POC5: variants seen among roughly 807,000 people sequenced by gnomAD.
The protein encoded by POC5 is POC5 centriolar protein.
Under a neutral mutation model 62.9 loss-of-function variants are expected in POC5, and 48 were observed. The observed-to-expected ratio is 0.76, with a 90% CI of 0.61 to 0.97. POC5 has a LOEUF of 0.97. Among genes scored for constraint, POC5 ranks in the 50% least tolerant of loss-of-function variants. POC5 has a pLI of 0.00. For missense variants in POC5, 696 were observed against 679.5 expected (o/e 1.02, Z -0.27); for synonymous variants, 236 against 228.2 (o/e 1.03, Z -0.31).
intron 9 of POC5, among the ~76,000 whole-genome samples, chr5:75,687,275 T>C (rs1776134162): frequency 1.3e-5 from 2 of 152,190 alleles, no homozygotes; most frequent in Non-Finnish European, 1.5e-5. Flanking sequence ...CGTGATCCAC[T>C]CACCTCGGCC....
chr5:75,707,518 AAAGT>A (rs1365969197), intron 3 of POC5: 11 of 413,082 alleles, frequency 2.7e-5, no homozygotes, highest in Non-Finnish European at 4.3e-5. Flanking sequence ...ATTCTTCATA[AAAGT>A]AAGAGTCAAA....
At chr5:75,681,476 T>A (rs932555574) in intron 10 of POC5, among the ~76,000 whole-genome samples, 1 of 152,134 alleles carries the variant, frequency 6.6e-6, no homozygotes, top group Non-Finnish European at 1.5e-5. Flanking sequence ...AACTGCAATA[T>A]GCTTGCTTGT....
At chr5:75,706,873 G>C (rs930804337) in intron 3 of POC5, among the ~76,000 whole-genome samples, 1 of 152,094 alleles carries the variant, frequency 6.6e-6, no homozygotes, top group African/African-American at 2.4e-5. Flanking sequence ...CTCATCCTGT[G>C]GTCCTGTTTG....
At chr5:75,712,461 T>G in intron 2 of POC5, 1 of 1,603,700 alleles carries the variant, frequency 6.2e-7, no homozygotes, top group South Asian at 1.1e-5. Flanking sequence ...CCTCAGCAAG[T>G]AGAACACAAG....
Position 75,692,482 on chromosome 5 carries a change from G to C in POC5, c.709C>G (p.His237Asp). 6.2e-7 allele frequency: 1 copy of C among 1,600,212 alleles called. No individual in the cohort carries two copies. The highest frequency in any genetic ancestry group is 1.1e-5 in the South Asian group (1 of 89,202). ...RKDEVISSLS[H>D]AIGKQKEKIE... ...TTTTCCTTTTGCTTGCCTATGGCATGAGACAAGCTAGAAATCACCTGTAAA... is the reference window on the plus strand; with the variant it reads ...TTTTCCTTTTGCTTGCCTATGGCATCAGACAAGCTAGAAATCACCTGTAAA... The change falls in exon 7 of 12, where the codon CAT becomes GAT. Residue 237 changes from histidine to aspartate, a missense_variant. His to Asp is a moderately conservative substitution (Grantham distance 81, BLOSUM62 -1). Coordinates refer to ENST00000428202, the MANE Select transcript of POC5 (RefSeq NM_001099271.2).
Position 75,695,228 on chromosome 5 carries a change from G to A in POC5, c.514-397C>T, listed in dbSNP as rs771133974. 4.6e-5 allele frequency among the ~76,000 whole-genome samples: 7 copies of A among 152,302 alleles called. No homozygotes were observed. The South Asian group carries it at 6.2e-4, about 14-fold the overall frequency. On this transcript the variant is annotated intron_variant, in intron 5 of 11. Transcript: ENST00000428202. ...TGACTGGGAAGTTATTTAGAAATGGGTGATAGTGGAAAGAAACCATGAGAG... is the reference window on the plus strand; with the variant it reads ...TGACTGGGAAGTTATTTAGAAATGGATGATAGTGGAAAGAAACCATGAGAG...
intron 4 of POC5, among the ~76,000 whole-genome samples, chr5:75,703,160 A>G (rs1776961906): frequency 6.6e-6 from 1 of 152,226 alleles, no homozygotes; most frequent in Non-Finnish European, 1.5e-5. Flanking sequence ...TAATAAAAAC[A>G]TTATAAAGAT....
At chr5:75,694,274 C>T (rs180826106) in intron 6 of POC5, among the ~76,000 whole-genome samples, 8 of 152,108 alleles carry the variant, frequency 5.3e-5, no homozygotes, top group Admixed American at 2.0e-4. Flanking sequence ...CCTTCACGTT[C>T]GCTTAAGGTT....
intron 6 of POC5, among the ~76,000 whole-genome samples, chr5:75,693,770 A>G (rs1237090533): frequency 6.6e-6 from 1 of 152,156 alleles, no homozygotes; most frequent in Non-Finnish European, 1.5e-5. Flanking sequence ...TCTTCTGAAC[A>G]ACACCACTCT....
chr5:75,687,121 C>T (rs1776126643), intron 9 of POC5, among the ~76,000 whole-genome samples: 1 of 152,114 alleles, frequency 6.6e-6, no homozygotes, highest in Non-Finnish European at 1.5e-5. Context: ...ACCTCTGCCT[C>T]CTGGGTTCAC....
At chr5:75,683,650 C>T (rs1418195089) in intron 10 of POC5, among the ~76,000 whole-genome samples, 5 of 151,076 alleles carry the variant, frequency 3.3e-5, no homozygotes, top group Non-Finnish European at 7.4e-5. Flanking sequence ...ACAAGTTTAA[C>T]AACAGGAGGC....
chr5:75,682,759 C>T (rs191877628), intron 10 of POC5, among the ~76,000 whole-genome samples: 49 of 152,196 alleles, frequency 3.2e-4, no homozygotes, highest in Admixed American at 7.2e-4. Flanking sequence ...TTGTGATCCA[C>T]CTGCCTCGGC....
rs1417876715 is a variant in POC5 at position 75,700,963 on chromosome 5, G to A, written c.513+1642C>T. Among the ~76,000 whole-genome samples the A allele has an allele frequency of 1.3e-4, 18 of 133,842 alleles. 3 individuals are homozygous for A. Among genetic ancestry groups the A allele is most frequent in the Non-Finnish European group, 2.5e-4 (15 of 59,750 alleles). The allele number at this position is 133,842 out of a possible 152,430, so 87.8% of individuals were successfully genotyped here. ...ACATTTATGCAGCCAAAAAACACAT[G>A]AAAAAATGCTCACCATCACTGGCCA... On this transcript the variant is annotated intron_variant, in intron 5 of 11. Transcript: ENST00000428202.
chr5:75,684,995 G>A (rs1776039288), intron 10 of POC5, among the ~76,000 whole-genome samples: 1 of 151,704 alleles, frequency 6.6e-6, no homozygotes, highest in South Asian at 2.1e-4. Flanking sequence ...GGCCTCCTGA[G>A]TAGCTGGGAC....
At chr5:75,715,309 CAAAA>C (rs922297009) in intron 1 of POC5, among the ~76,000 whole-genome samples, 2 of 59,322 alleles carry the variant, frequency 3.4e-5, no homozygotes, top group African/African-American at 1.2e-4. Context: ...GACTCCGTCT[CAAAA>C]AAAAAAAAAA....
chr5:75,686,273 T>G (rs1416308584), intron 9 of POC5, among the ~76,000 whole-genome samples: 3 of 152,176 alleles, frequency 2.0e-5, no homozygotes, highest in Admixed American at 6.5e-5. Context: ...ACTGTATCTG[T>G]GTGGTATCAA....
chr5:75,689,122 A>C lies in POC5; in HGVS notation c.1019T>G (p.Met340Arg). 1 of 1,581,132 alleles carries C rather than the reference A, an allele frequency of 6.3e-7. No individual in the cohort carries two copies. The highest frequency in any genetic ancestry group is 1.2e-5 in the South Asian group (1 of 85,660). Residue 340 changes from methionine (M) to arginine (R), a missense_variant, in exon 9 of 12, where the codon ATG (methionine) becomes AGG (arginine). Coordinates refer to ENST00000428202, the MANE Select transcript of POC5 (RefSeq NM_001099271.2). ...LENAKAEIQR[M>R]QHEKEHFEDS... ...TTCAAAGTGCTCTTTTTCATGTTGC[A>C]TTCTTTGAATCTCAGCTTTTGCATT...
At chr5:75,696,328 A>G (rs112400925) in intron 5 of POC5, among the ~76,000 whole-genome samples, 7,533 of 152,294 alleles carry the variant, frequency 0.049, 649 homozygotes, top group African/African-American at 0.17. Context: ...ACAGCTTTGA[A>G]GAGAGCAGTG....
chr5:75,716,263 G>A, intron 1 of POC5, among the ~76,000 whole-genome samples: 1 of 151,816 alleles, frequency 6.6e-6, no homozygotes, highest in Non-Finnish European at 1.5e-5. Context: ...ATAAGTGCAT[G>A]TATCTGCAGC....
Sources: gnomAD v4.1 joint callset for allele counts (sites outside exome capture counted in the v4.1 genomes callset) on GRCh38, gnomAD v4.1.1 for gene constraint, MANE v1.5 for transcripts, NCBI Gene and HGNC (gene_info 2026-07-23, HGNC 2026-07-21) for gene names.